The following ABLIM3 variants were observed in gnomAD, a reference collection of about 807,000 sequenced individuals.
The protein encoded by ABLIM3 is actin-binding LIM protein 3.
A neutral mutation model predicts 109.5 loss-of-function variants in ABLIM3; 61 were observed. The observed-to-expected ratio is 0.56, with a 90% confidence interval of 0.45 to 0.69. ABLIM3 has a LOEUF of 0.69. Ranked by LOEUF, ABLIM3 falls within the 30% of genes least tolerant of loss-of-function variation. The pLI, the probability that ABLIM3 is intolerant of heterozygous loss-of-function variation, is 0.00. For synonymous variants in ABLIM3, 300 were observed against 324.8 expected, an observed-to-expected ratio of 0.92 and a Z score of 0.82; for missense variants, 796 against 889.5, an observed-to-expected ratio of 0.89 and a Z score of 1.34.
chr5:149,216,478 C>T (rs2963493), intron 7 of ABLIM3: 72,950 of 153,104 alleles, frequency 0.48, 17,747 homozygotes, highest in East Asian at 0.59. Context: ...ACTGGTACTT[C>T]GTCCTTGACA....
rs149431224 is a variant in ABLIM3 at position 149,210,765 on chromosome 5, G to A, written c.615G>A (p.Gln205=). The stretch of plus-strand genomic sequence containing the variant: ...ACTGTGAGTCCGACTACCATGCCCA[G>A]TTTGGCATTAAATGTGAGACTTGTG... The part of the protein sequence containing the change: ...VPYCESDYHA[Q]FGIKCETCDR... The change falls in exon 7 of 24, where the codon CAG becomes CAA. Residue 205 remains glutamine (Q), a synonymous_variant. Coordinates refer to ENST00000309868, the MANE Select transcript of ABLIM3 (RefSeq NM_014945.5). 249 of 1,614,016 alleles carry A rather than the reference G, an allele frequency of 1.5e-4. 1 individual carries two copies. The highest frequency in any genetic ancestry group is 3.3e-4 in the Middle Eastern group (2 of 6,084).
intron 3 of ABLIM3, among the ~76,000 whole-genome samples, chr5:149,186,435 A>G (rs1256908497): frequency 2.0e-5 from 3 of 152,090 alleles, no homozygotes; most frequent in Non-Finnish European, 2.9e-5. Flanking sequence ...AATTATGAAA[A>G]ATTACTTATG....
At chr5:149,258,176 G>A in intron 23 of ABLIM3, 115 bp from the exon 24 acceptor site, 1 of 797,432 alleles carries the variant, frequency 1.3e-6, no homozygotes, top group Non-Finnish European at 2.0e-6. Flanking sequence ...AAGGCACAGG[G>A]TGCCCAGAGG....
At position 149,249,841 on chromosome 5, in the gene ABLIM3, A is replaced by G. The variant is rs542770294; in HGVS notation, c.1726A>G (p.Ser576Gly). The stretch of plus-strand genomic sequence containing the variant: ...CCCTCGGTCGCACTACCTGGCTGAC[A>G]GTGGTAAGTTCTACCTGCCCTACCT... ...GSPRSHYLAD[S>G]DPLISKSASL... Residue 576 changes from serine to glycine, a missense_variant, in exon 19 of 24, where the codon AGT becomes GGT. Ser to Gly is a moderately conservative substitution (Grantham distance 56). Coordinates refer to ENST00000309868, the MANE Select transcript of ABLIM3 (RefSeq NM_014945.5). 1.2e-5 allele frequency: 19 copies of G among 1,614,158 alleles called. No individual in the cohort carries two copies. The Admixed American group carries it at 1.8e-4, about 16-fold the overall frequency.
intron 5 of ABLIM3, among the ~76,000 whole-genome samples, chr5:149,203,193 C>A (rs1310577335): frequency 6.6e-6 from 1 of 151,868 alleles, no homozygotes; most frequent in Non-Finnish European, 1.5e-5. Context: ...CCACCACTAT[C>A]TTCACCATCA....
At chr5:149,202,913 C>G (rs1490716394) in intron 5 of ABLIM3, among the ~76,000 whole-genome samples, 2 of 151,970 alleles carry the variant, frequency 1.3e-5, no homozygotes, top group Admixed American at 1.3e-4. Flanking sequence ...TTACTATTTC[C>G]AGGCACTGCA....
At chr5:149,188,807 G>A (rs1757216059) in intron 3 of ABLIM3, among the ~76,000 whole-genome samples, 1 of 152,170 alleles carries the variant, frequency 6.6e-6, no homozygotes, top group South Asian at 2.1e-4. Context: ...TCAGTCCATA[G>A]AAAATGCAAT....
chr5:149,216,506 A>G (rs972245963), intron 7 of ABLIM3: 2 of 151,572 alleles, frequency 1.3e-5, no homozygotes, highest in African/African-American at 5.0e-5. Context: ...AAGAATGTAT[A>G]GAGGACTGAA....
intron 2 of ABLIM3, among the ~76,000 whole-genome samples, chr5:149,165,710 C>T (rs766626639): frequency 1.3e-5 from 2 of 152,148 alleles, no homozygotes; most frequent in African/African-American, 2.4e-5. Flanking sequence ...TTTCTCCCTG[C>T]TCACTCATTC....
rs749466680 is a variant in ABLIM3 at position 149,252,845 on chromosome 5, TA to T, written c.1938+14del. On this transcript the variant is annotated intron_variant, in intron 23 of 23. Coordinates refer to ENST00000309868, the MANE Select transcript of ABLIM3 (RefSeq NM_014945.5). Reference sequence around the variant, plus strand: ...GACAGGACCCGTTTAGAGGTAAGTCTAAAAAACTGAGCAGGAGCTCTTGGGT... The same window carrying T: ...GACAGGACCCGTTTAGAGGTAAGTCTAAAAACTGAGCAGGAGCTCTTGGGT... The T allele has an allele frequency of 1.9e-6, 3 of 1,610,944 alleles. No individual in the cohort carries two copies.
rs376444000 is a variant in ABLIM3, at chr5:149,258,630, C to A, written c.*226C>A. On this transcript the variant is annotated 3_prime_UTR_variant, in exon 24 of 24. Transcript: ENST00000309868. ...GGAAGGGATTTGAGGGGACTCTGTC[C>A]TTTTATTGGGGATCCTTTTTATACT... is the stretch of plus-strand genomic sequence containing the variant. 7.9e-7 allele frequency: 1 copy of A among 1,271,568 alleles called. No individual in the cohort carries two copies. Among genetic ancestry groups the A allele is most frequent in the Non-Finnish European group, 9.9e-7 (1 of 1,009,524 alleles). 78.8% of individuals were successfully genotyped at this position (1,271,568 alleles called of 1,614,324 possible).
chr5:149,232,177 G>A lies in ABLIM3; in HGVS notation c.817-1052G>A, dbSNP rs369672737. On this transcript the variant is annotated intron_variant, in intron 9 of 23. Coordinates refer to ENST00000309868, the MANE Select transcript of ABLIM3 (RefSeq NM_014945.5). ...AAAAATTAGCTGGATGTGGTGGCAC[G>A]TGCCTGTAATCCCAGCTACTTGGGA... 3.7e-3 allele frequency among the ~76,000 whole-genome samples: 562 copies of A among 152,240 alleles called. 1 individual carries two copies. Among genetic ancestry groups the A allele is most frequent in the African/African-American group, 0.012 (514 of 41,542 alleles).
At chr5:149,244,769 T>G in intron 15 of ABLIM3, 112 bp from the exon 16 acceptor site, 1 of 1,374,070 alleles carries the variant, frequency 7.3e-7, no homozygotes, top group South Asian at 1.3e-5. Flanking sequence ...AGCCCTGATC[T>G]TGAAGTGGAC....
chr5:149,150,085 G>C (rs981192350), intron 2 of ABLIM3, among the ~76,000 whole-genome samples: 1 of 152,144 alleles, frequency 6.6e-6, no homozygotes, highest in African/African-American at 2.4e-5. Flanking sequence ...ATCCAATCAG[G>C]AGCCAGAGGG....
At chr5:149,192,432 C>T (rs1757562885) in intron 3 of ABLIM3, among the ~76,000 whole-genome samples, 1 of 151,706 alleles carries the variant, frequency 6.6e-6, no homozygotes, top group African/African-American at 2.4e-5. Flanking sequence ...ACAAACTGTA[C>T]AGTACTTAAC....
At chr5:149,211,835 G>A (rs1759586891) in intron 7 of ABLIM3, among the ~76,000 whole-genome samples, 2 of 152,114 alleles carry the variant, frequency 1.3e-5, no homozygotes, top group Admixed American at 1.3e-4. Context: ...GGAAAAGATA[G>A]AGGAAGAATG....
chr5:149,201,224 G>A (rs1472445951), intron 5 of ABLIM3, among the ~76,000 whole-genome samples: 9 of 152,170 alleles, frequency 5.9e-5, no homozygotes, highest in African/African-American at 2.2e-4. Context: ...TTGGCAGGCT[G>A]CTGCTGCACA....
intron 7 of ABLIM3, among the ~76,000 whole-genome samples, chr5:149,211,993 A>G (rs1284314261): frequency 6.6e-6 from 1 of 152,128 alleles, no homozygotes; most frequent in African/African-American, 2.4e-5. Context: ...CAGTCTGCCA[A>G]TGTGGCTGAA....
In ABLIM3 at chr5:149,244,942, C is replaced by A; in HGVS notation, c.1413C>A (p.Tyr471Ter). 1 of 1,614,154 alleles carries A rather than the reference C, an allele frequency of 6.2e-7. No individual in the cohort carries two copies. The highest frequency in any genetic ancestry group is 8.5e-7 in the Non-Finnish European group (1 of 1,180,036). The change falls in exon 16 of 24, where the codon TAC becomes TAA. Residue 471 changes from tyrosine to a stop codon, truncating the protein, a stop_gained. Coordinates refer to ENST00000309868, the MANE Select transcript of ABLIM3 (RefSeq NM_014945.5). LOFTEE classifies it high-confidence loss of function. Reference sequence around the variant, plus strand: ...AAGACATCAGCCAGACCTCCAAGTACAGTCCCATCTACTCGCCAGACCCCT... The same window carrying A: ...AAGACATCAGCCAGACCTCCAAGTAAAGTCCCATCTACTCGCCAGACCCCT... ...TSEDISQTSK[Y>*]SPIYSPDPYY...
Sources: allele counts gnomAD v4.1 joint callset (sites outside exome capture counted in the v4.1 genomes callset), GRCh38; gene constraint gnomAD v4.1.1; transcripts MANE v1.5; gene names NCBI Gene and HGNC (gene_info 2026-07-23, HGNC 2026-07-21).